Variants in AGBL3 observed in about 807,000 individuals in gnomAD.
The protein encoded by AGBL3 is AGBL carboxypeptidase 3.
In AGBL3, 68 loss-of-function variants were observed where a neutral mutation model predicts 94.5. The ratio of observed to expected loss-of-function variants is 0.72; its 90% confidence interval spans 0.59 to 0.88. The LOEUF (loss-of-function observed/expected upper bound fraction) is 0.88. Ranked by LOEUF, AGBL3 falls within the 40% of genes least tolerant of loss-of-function variation. The probability of loss-of-function intolerance (pLI) is 0.00; values close to 1 mark genes in which losing one functional copy is unlikely to be tolerated. For synonymous variants in AGBL3, 354 were observed against 370.7 expected, an observed-to-expected ratio of 0.95 and a Z score of 0.52; for missense variants, 934 against 1,103.8, an observed-to-expected ratio of 0.85 and a Z score of 2.18.
At chr7:135,039,595 C>A (rs1816647311) in intron 8 of AGBL3, among the ~76,000 whole-genome samples, 1 of 151,898 alleles carries the variant, frequency 6.6e-6, no homozygotes, top group Admixed American at 6.6e-5. Context: ...ATTAGCCAAG[C>A]ATGGCAGTGT....
intron 1 of AGBL3, 93 bp downstream of exon 1, chr7:134,986,794 G>A (rs1809503842): frequency 6.6e-6 from 1 of 152,312 alleles, no homozygotes; most frequent in South Asian, 2.1e-4. Flanking sequence ...AGGAGTGAGT[G>A]CGGGAAGGAA....
intron 5 of AGBL3, among the ~76,000 whole-genome samples, chr7:135,028,531 C>A (rs928589693): frequency 1.3e-5 from 2 of 152,212 alleles, no homozygotes; most frequent in Admixed American, 6.5e-5. Context: ...TCAGTCACAT[C>A]TTTAGGCTCT....
intron 12 of AGBL3, among the ~76,000 whole-genome samples, chr7:135,060,085 C>A (rs1421960657): frequency 1.3e-5 from 2 of 152,110 alleles, no homozygotes; most frequent in East Asian, 3.9e-4. Context: ...ACCCGGAGTA[C>A]ACAAGGTTAA....
intron 5 of AGBL3, among the ~76,000 whole-genome samples, chr7:135,021,587 C>T (rs538923123): frequency 3.3e-5 from 5 of 151,994 alleles, no homozygotes; most frequent in African/African-American, 4.8e-5. Flanking sequence ...CCACCACGCC[C>T]GGCCCTACTT....
intron 12 of AGBL3, among the ~76,000 whole-genome samples, chr7:135,073,088 T>C (rs996744714): frequency 2.0e-5 from 3 of 152,124 alleles, no homozygotes; most frequent in Non-Finnish European, 1.5e-5. Context: ...ATGATCTCAC[T>C]TTTATGTGAA....
chr7:135,097,278 T>C (rs1202560960), intron 15 of AGBL3, among the ~76,000 whole-genome samples: 1 of 152,178 alleles, frequency 6.6e-6, no homozygotes, highest in African/African-American at 2.4e-5. Context: ...TGTCAGATCT[T>C]ACCAACAATA....
At chr7:135,015,863 AAAAG>A (rs201204282) in intron 4 of AGBL3, among the ~76,000 whole-genome samples, 50,974 of 126,044 alleles carry the variant, frequency 0.4, 11,774 homozygotes, top group East Asian at 0.75. Context: ...AAATACAAAA[AAAAG>A]AAAAAAAAAA....
chr7:135,018,624 G>A (rs1430415042), intron 5 of AGBL3, among the ~76,000 whole-genome samples: 2 of 152,128 alleles, frequency 1.3e-5, no homozygotes, highest in Non-Finnish European at 1.5e-5. Context: ...TGACTTACTT[G>A]ATTTTCATTG....
At chr7:135,115,648 A>T (rs1826214767) in intron 16 of AGBL3, 37 bp downstream of exon 16, 2 of 1,426,396 alleles carry the variant, frequency 1.4e-6, no homozygotes, top group Non-Finnish European at 1.9e-6. Context: ...TATCTATTTA[A>T]CACATCTTTT....
intron 5 of AGBL3, among the ~76,000 whole-genome samples, chr7:135,025,675 G>GT (rs1335926742): frequency 1.3e-5 from 2 of 151,504 alleles, no homozygotes; most frequent in Admixed American, 6.6e-5. Flanking sequence ...AGACCCAACT[G>GT]TTGGCTGTCT....
chr7:135,092,628 T>C (rs1012289966), intron 15 of AGBL3: 16 of 152,140 alleles, frequency 1.1e-4, no homozygotes, highest in African/African-American at 3.6e-4. Context: ...ATGCTACTTA[T>C]TGTGTTATGG....
intron 15 of AGBL3, among the ~76,000 whole-genome samples, chr7:135,086,152 G>T (rs890446398): frequency 6.6e-6 from 1 of 151,912 alleles, no homozygotes; most frequent in African/African-American, 2.4e-5. Context: ...TTGGGGTATA[G>T]AAATACCACT....
At position 135,107,982 on chromosome 7, in the gene AGBL3, T is replaced by G. The variant is rs541735650; in HGVS notation, c.2111-7398T>G. ...CATTATGTAATGTCTTTATCTTTTT[T>G]TTTTATCTTTGTTGATTTAAAGTCT... is the stretch of plus-strand genomic sequence containing the variant. On this transcript the variant is annotated intron_variant, in intron 15 of 16. Coordinates refer to ENST00000436302, the MANE Select transcript of AGBL3 (RefSeq NM_178563.4). Among the ~76,000 whole-genome samples, 193 of 152,292 alleles carry G rather than the reference T, an allele frequency of 1.3e-3. 3 individuals are homozygous for G. The highest frequency in any genetic ancestry group is 4.6e-3 in the African/African-American group (191 of 41,550).
chr7:135,057,272 G>A (rs989212958), intron 11 of AGBL3, among the ~76,000 whole-genome samples: 1 of 151,966 alleles, frequency 6.6e-6, no homozygotes, highest in Non-Finnish European at 1.5e-5. Flanking sequence ...TATAGACCTA[G>A]ATGTAAAATA....
At chr7:135,125,511 G>A (rs1203630685) in intron 16 of AGBL3, among the ~76,000 whole-genome samples, 1 of 152,120 alleles carries the variant, frequency 6.6e-6, no homozygotes, top group Non-Finnish European at 1.5e-5. Flanking sequence ...CCAAACAATT[G>A]AAAAGGAGGG....
At chr7:135,021,895 C>A (rs1373272786) in intron 5 of AGBL3, among the ~76,000 whole-genome samples, 1 of 152,146 alleles carries the variant, frequency 6.6e-6, no homozygotes, top group Non-Finnish European at 1.5e-5. Context: ...TCAGCTCCCA[C>A]TTATGAGTGA....
At chr7:135,016,949 A>AT in intron 4 of AGBL3, 103 bp from the exon 5 acceptor site, 1 of 767,882 alleles carries the variant, frequency 1.3e-6, no homozygotes, top group Admixed American at 2.4e-5. Context: ...AAAACACTAC[A>AT]TTTTAGCCTA....
chr7:134,996,528 A>G (rs1035738001), intron 4 of AGBL3, among the ~76,000 whole-genome samples: 2 of 152,172 alleles, frequency 1.3e-5, no homozygotes, highest in African/African-American at 2.4e-5. Context: ...CAGTCCAGCT[A>G]TAAATTAACT....
At chr7:135,103,904 C>T (rs980393032) in intron 15 of AGBL3, among the ~76,000 whole-genome samples, 3 of 151,924 alleles carry the variant, frequency 2.0e-5, no homozygotes, top group Non-Finnish European at 4.4e-5. Context: ...TAAGGATGTT[C>T]ATCATGGTAT....
Sources: allele counts gnomAD v4.1 joint callset (sites outside exome capture counted in the v4.1 genomes callset), GRCh38; gene constraint gnomAD v4.1.1; transcripts MANE v1.5; gene names NCBI Gene and HGNC (gene_info 2026-07-23, HGNC 2026-07-21).